GLO1: variants seen among roughly 807,000 people sequenced by gnomAD.
GLO1 encodes lactoylglutathione lyase.
A neutral mutation model predicts 26.0 loss-of-function variants in GLO1; 28 were observed. The observed-to-expected ratio is 1.08, with a 90% CI of 0.80 to 1.48. GLO1 has a LOEUF of 1.48. GLO1 is among the 40% of genes most tolerant of loss of function. The pLI is 0.00. For missense variants in GLO1, 225 were observed against 224.8 expected, an observed-to-expected ratio of 1.00 and a Z score of -0.01; for synonymous variants, 78 against 77.6, an observed-to-expected ratio of 1.00 and a Z score of -0.03.
intron 1 of GLO1, among the ~76,000 whole-genome samples, chr6:38,693,673 CTCTCTCTCTCTCTATA>C (rs1002542972): frequency 9.2e-5 from 9 of 98,140 alleles, no homozygotes; most frequent in Non-Finnish European, 1.4e-4. Context: ...CTCTCTCTCT[CTCTCTCTCTCTCTATA>C]TATATATATA....
chr6:38,693,701 A>T (rs1409749875), intron 1 of GLO1, among the ~76,000 whole-genome samples: 2 of 139,200 alleles, frequency 1.4e-5, no homozygotes, highest in Admixed American at 7.2e-5. Flanking sequence ...ATATATATAT[A>T]TATATTTGTT....
rs1482751171 is a variant in GLO1, at chr6:38,687,753, G to A, written c.85-779C>T. 2.0e-5 allele frequency among the ~76,000 whole-genome samples: 3 copies of A among 152,100 alleles called. No individual in the cohort carries two copies. In the East Asian group the frequency reaches 5.8e-4, roughly 29 times the overall value. On this transcript the variant is annotated intron_variant, in intron 1 of 5. Coordinates refer to ENST00000373365, the MANE Select transcript of GLO1 (RefSeq NM_006708.3). ...AATAACTCTATATGGTATTACTGTC[G>A]ATATTCATACCCCATGTTGTAGATG...
At chr6:38,683,869 A>G (rs1010755975) in intron 3 of GLO1, among the ~76,000 whole-genome samples, 3 of 152,178 alleles carry the variant, frequency 2.0e-5, no homozygotes. Flanking sequence ...CCTGGGCAAC[A>G]GAGCAAGACT....
intron 1 of GLO1, among the ~76,000 whole-genome samples, chr6:38,693,685 C>CTCTATATATATA (rs869232489): frequency 7.3e-4 from 63 of 86,424 alleles, no homozygotes; most frequent in African/African-American, 1.7e-3. Context: ...CTCTCTCTCT[C>CTCTATATATATA]TATATATATA....
intron 1 of GLO1, among the ~76,000 whole-genome samples, chr6:38,699,483 T>C (rs1191848776): frequency 6.6e-6 from 1 of 152,062 alleles, no homozygotes; most frequent in Non-Finnish European, 1.5e-5. Context: ...TCTGACTGCC[T>C]GAGGGGTCGG....
At chr6:38,693,683 C>CTA (rs1287585297) in intron 1 of GLO1, among the ~76,000 whole-genome samples, 967 of 82,346 alleles carry the variant, frequency 0.012, 5 homozygotes, top group East Asian at 0.019. Flanking sequence ...CTCTCTCTCT[C>CTA]TCTATATATA....
At chr6:38,683,728 A>C (rs991027085) in intron 3 of GLO1, among the ~76,000 whole-genome samples, 15 of 152,030 alleles carry the variant, frequency 9.9e-5, no homozygotes, top group Non-Finnish European at 2.1e-4. Flanking sequence ...TCTACAAAAA[A>C]TACAAAAAAT....
At chr6:38,689,157 T>A (rs951593278) in intron 1 of GLO1, among the ~76,000 whole-genome samples, 1 of 152,158 alleles carries the variant, frequency 6.6e-6, no homozygotes, top group African/African-American at 2.4e-5. Flanking sequence ...AGAAACTGAA[T>A]TCAGGGAACA....
intron 1 of GLO1, among the ~76,000 whole-genome samples, chr6:38,692,518 A>ATG (rs1761546330): frequency 6.6e-6 from 1 of 152,044 alleles, no homozygotes; most frequent in African/African-American, 2.4e-5. Context: ...TCCAACCTAT[A>ATG]TGTCTCTTAT....
At chr6:38,679,587 G>A (rs1325456949) in intron 5 of GLO1, among the ~76,000 whole-genome samples, 1 of 152,138 alleles carries the variant, frequency 6.6e-6, no homozygotes, top group Non-Finnish European at 1.5e-5. Flanking sequence ...CTTGAGGCCA[G>A]GAGTTTGAGA....
chr6:38,678,971 C>T (rs781281852), intron 5 of GLO1, among the ~76,000 whole-genome samples: 22 of 152,108 alleles, frequency 1.4e-4, no homozygotes, highest in Admixed American at 3.9e-4. Context: ...ATTCACACTG[C>T]TTGATGTGTT....
chr6:38,677,111 T>C lies in GLO1; in HGVS notation c.*184A>G. 1 of 610,362 alleles carries C rather than the reference T, an allele frequency of 1.6e-6. No homozygotes were observed. The highest frequency in any genetic ancestry group is 2.9e-6 in the Non-Finnish European group (1 of 346,890). The allele number at this position is 610,362 out of a possible 1,614,324, so 37.8% of individuals were successfully genotyped here. On this transcript the variant is annotated 3_prime_UTR_variant, in exon 6 of 6. Coordinates refer to ENST00000373365, the MANE Select transcript of GLO1 (RefSeq NM_006708.3). ...TCAAGGACATGAGATAAAGCACTGCTTGAAAACCAGAATGACTGAACAGTT... is the reference window on the plus strand; with the variant it reads ...TCAAGGACATGAGATAAAGCACTGCCTGAAAACCAGAATGACTGAACAGTT...
chr6:38,696,920 CTT>C (rs71744977), intron 1 of GLO1, among the ~76,000 whole-genome samples: 35 of 140,016 alleles, frequency 2.5e-4, no homozygotes, highest in African/African-American at 2.6e-4. Context: ...AAGCCTTCTT[CTT>C]TTTTTTTTTT....
intron 5 of GLO1, among the ~76,000 whole-genome samples, chr6:38,680,215 G>A (rs1385049145): frequency 1.3e-5 from 2 of 152,118 alleles, no homozygotes; most frequent in Non-Finnish European, 2.9e-5. Flanking sequence ...AATCTCAAAA[G>A]TTTTGCCTTA....
chr6:38,678,439 A>AG (rs1761310677), intron 5 of GLO1, among the ~76,000 whole-genome samples: 2 of 151,974 alleles, frequency 1.3e-5, no homozygotes, highest in Non-Finnish European at 2.9e-5. Flanking sequence ...AGAAAAGGAA[A>AG]GAAAGAAAGA....
chr6:38,683,610 G>A (rs1372563482), intron 3 of GLO1, among the ~76,000 whole-genome samples: 3 of 152,116 alleles, frequency 2.0e-5, no homozygotes, highest in African/African-American at 4.8e-5. Flanking sequence ...AATGGAGGCC[G>A]GGCGTGGTGG....
At chr6:38,679,802 A>C (rs1258087764) in intron 5 of GLO1, among the ~76,000 whole-genome samples, 3 of 152,122 alleles carry the variant, frequency 2.0e-5, no homozygotes, top group Non-Finnish European at 4.4e-5. Flanking sequence ...TCAAAAAAAA[A>C]AAAAAGTAAT....
At chr6:38,678,981 T>C (rs1761319412) in intron 5 of GLO1, among the ~76,000 whole-genome samples, 1 of 151,890 alleles carries the variant, frequency 6.6e-6, no homozygotes, top group Non-Finnish European at 1.5e-5. Flanking sequence ...CTTGATGTGT[T>C]AGAATAGCGA....
Position 38,703,042 on chromosome 6 carries a change from G to T in GLO1, c.13C>A (p.Gln5Lys). ...TCCGTGAGGCCGCCGGACGGGGGCT[G>T]CGGTTCTGCCATGGCTGCGCTGCAG... is the stretch of plus-strand genomic sequence containing the variant. MAEP[Q>K]PPSGGLTDEA... Residue 5 changes from glutamine (Q) to lysine (K), a missense_variant, in exon 1 of 6, where the codon CAG (glutamine) becomes AAG (lysine). By Grantham distance (53) the Gln-to-Lys change is moderately conservative. Coordinates refer to ENST00000373365, the MANE Select transcript of GLO1 (RefSeq NM_006708.3). The T allele has an allele frequency of 6.3e-7, 1 of 1,588,002 alleles. No individual in the cohort carries two copies. Among genetic ancestry groups the T allele is most frequent in the Non-Finnish European group, 8.6e-7 (1 of 1,161,226 alleles).
Sources: gnomAD v4.1 joint callset for allele counts (sites outside exome capture counted in the v4.1 genomes callset) on GRCh38, gnomAD v4.1.1 for gene constraint, MANE v1.5 for transcripts, NCBI Gene and HGNC (gene_info 2026-07-23, HGNC 2026-07-21) for gene names.